CADM1: variants seen among roughly 807,000 people sequenced by gnomAD.
CADM1 encodes cell adhesion molecule 1.
CADM1 carries 15 observed loss-of-function variants against 53.1 expected under a neutral mutation model. That is an observed-to-expected ratio of 0.28 (90% confidence interval 0.19 to 0.44). CADM1 has a LOEUF of 0.44. Ranked by LOEUF, CADM1 falls within the 20% of genes least tolerant of loss-of-function variation. The pLI, the probability that CADM1 is intolerant of heterozygous loss-of-function variation, is 1.00. For synonymous variants in CADM1, 281 were observed against 243.0 expected (o/e 1.16, Z -1.45); for missense variants, 434 against 611.3 (o/e 0.71, Z 3.06).
At chr11:115,273,385 G>C (rs1324845217) in intron 1 of CADM1, among the ~76,000 whole-genome samples, 1 of 151,816 alleles carries the variant, frequency 6.6e-6, no homozygotes, top group Admixed American at 6.6e-5. Flanking sequence ...CACATTATTC[G>C]ATTCTGTGCT....
chr11:115,256,509 G>A (rs541490424), intron 1 of CADM1, among the ~76,000 whole-genome samples: 2 of 152,296 alleles, frequency 1.3e-5, no homozygotes, highest in South Asian at 4.1e-4. Flanking sequence ...TAACAGCATC[G>A]TTAGCAGCTG....
At chr11:115,396,664 G>C (rs986423645) in intron 1 of CADM1, 1 of 152,198 alleles carries the variant, frequency 6.6e-6, no homozygotes, top group Non-Finnish European at 1.5e-5. Context: ...CAATACATCT[G>C]TGACAGAATA....
chr11:115,285,688 T>G (rs1394464574), intron 1 of CADM1, among the ~76,000 whole-genome samples: 1 of 152,148 alleles, frequency 6.6e-6, no homozygotes, highest in Non-Finnish European at 1.5e-5. Context: ...TAGCCTAAGT[T>G]TGATAGATGA....
chr11:115,302,417 A>G (rs1435206810), intron 1 of CADM1, among the ~76,000 whole-genome samples: 1 of 152,102 alleles, frequency 6.6e-6, no homozygotes, highest in East Asian at 1.9e-4. Flanking sequence ...TGCATTTTTT[A>G]AACTGATATA....
intron 1 of CADM1, among the ~76,000 whole-genome samples, chr11:115,492,932 T>TACACAC (rs57800253): frequency 0.01 from 1,470 of 146,812 alleles, 18 homozygotes; most frequent in African/African-American, 0.032. Flanking sequence ...GGATATTTTA[T>TACACAC]ACACACACAC....
At chr11:115,317,282 C>G (rs1240030649) in intron 1 of CADM1, among the ~76,000 whole-genome samples, 2 of 152,134 alleles carry the variant, frequency 1.3e-5, no homozygotes, top group Non-Finnish European at 2.9e-5. Flanking sequence ...AAGGGTCAAA[C>G]TGAATACACA....
intron 3 of CADM1, among the ~76,000 whole-genome samples, chr11:115,237,310 C>A (rs1363927528): frequency 6.6e-6 from 1 of 152,170 alleles, no homozygotes; most frequent in African/African-American, 2.4e-5. Context: ...AGCCATCTAT[C>A]ATTAAACACA....
chr11:115,492,614 C>A (rs1949521049), intron 1 of CADM1, among the ~76,000 whole-genome samples: 1 of 151,966 alleles, frequency 6.6e-6, no homozygotes, highest in Non-Finnish European at 1.5e-5. Context: ...AAATCCTGCG[C>A]TCTACTTGGT....
At chr11:115,397,458 T>C (rs941155896) in intron 1 of CADM1, 2 of 152,110 alleles carry the variant, frequency 1.3e-5, no homozygotes, top group Admixed American at 6.6e-5. Flanking sequence ...TGTATCAAGA[T>C]GTAGAATAGT....
chr11:115,421,359 G>A (rs1947751767), intron 1 of CADM1, among the ~76,000 whole-genome samples: 1 of 152,230 alleles, frequency 6.6e-6, no homozygotes, highest in South Asian at 2.1e-4. Context: ...TGACAAGTGG[G>A]AGATGTCTCT....
chr11:115,476,360 G>C (rs1015726487), intron 1 of CADM1, among the ~76,000 whole-genome samples: 1 of 152,096 alleles, frequency 6.6e-6, no homozygotes, highest in African/African-American at 2.4e-5. Flanking sequence ...GATAATCCAC[G>C]ATCATTTCCA....
intron 8 of CADM1, 74 bp from the exon 9 acceptor site, chr11:115,198,512 A>G: frequency 9.0e-7 from 1 of 1,114,250 alleles, no homozygotes. Context: ...GGAAAATGGA[A>G]AAAAAATGGA....
intron 1 of CADM1, among the ~76,000 whole-genome samples, chr11:115,388,280 G>A (rs1484777608): frequency 1.3e-5 from 2 of 152,064 alleles, no homozygotes; most frequent in African/African-American, 4.8e-5. Context: ...TGGATGAATG[G>A]ATAGAAAAAT....
At chr11:115,410,548 T>A (rs924537751) in intron 1 of CADM1, among the ~76,000 whole-genome samples, 1 of 152,168 alleles carries the variant, frequency 6.6e-6, no homozygotes, top group Admixed American at 6.5e-5. Flanking sequence ...GGGTGCATTA[T>A]GTCTGTTTAC....
intron 1 of CADM1, among the ~76,000 whole-genome samples, chr11:115,275,107 C>G (rs536781393): frequency 6.6e-6 from 1 of 152,292 alleles, no homozygotes; most frequent in East Asian, 1.9e-4. Context: ...CACAAAAATC[C>G]TTCCCCACAT....
intron 1 of CADM1, among the ~76,000 whole-genome samples, chr11:115,331,836 A>C (rs1018590117): frequency 6.6e-6 from 1 of 152,114 alleles, no homozygotes; most frequent in Non-Finnish European, 1.5e-5. Flanking sequence ...TCACATAGGC[A>C]GAGCTAGTTG....
rs147891570 is a variant in CADM1, at chr11:115,234,504, G to C, written c.425-3014C>G. The stretch of plus-strand genomic sequence containing the variant: ...TCTGTAACTCTTCAGAGTGAGTCCT[G>C]AACCAGTGCTAGTTCCTAGGATTAT... On this transcript the variant is annotated intron_variant, in intron 3 of 11. Transcript: ENST00000331581. 3.3e-5 allele frequency among the ~76,000 whole-genome samples: 5 copies of C among 152,232 alleles called. No individual in the cohort carries two copies. In the East Asian group the frequency reaches 9.7e-4, roughly 29 times the overall value.
rs547637902 is a variant in CADM1 at position 115,420,823 on chromosome 11, G to A, written c.124+83448C>T. ...TTCGTTCTCCTGATTCAATGCTGCT[G>A]TAGGATGAGGGCCAAAGAAAAGTGC... On this transcript the variant is annotated intron_variant, in intron 1 of 11. Transcript: ENST00000331581. Among the ~76,000 whole-genome samples the A allele has an allele frequency of 2.6e-5, 4 of 152,306 alleles. No homozygotes were observed. The East Asian group carries it at 7.7e-4, about 29-fold the overall frequency.
chr11:115,475,136 G>A (rs1320337564), intron 1 of CADM1, among the ~76,000 whole-genome samples: 5 of 150,262 alleles, frequency 3.3e-5, no homozygotes, highest in South Asian at 2.3e-4. Context: ...TATACTATTT[G>A]CATAGAACCT....
Sources: allele counts gnomAD v4.1 joint callset (sites outside exome capture counted in the v4.1 genomes callset), GRCh38; gene constraint gnomAD v4.1.1; transcripts MANE v1.5; gene names NCBI Gene and HGNC (gene_info 2026-07-23, HGNC 2026-07-21).